Variants in ZBTB16 observed in about 807,000 individuals in gnomAD.
ZBTB16 encodes zinc finger and BTB domain containing 16.
A neutral mutation model predicts 56.8 loss-of-function variants in ZBTB16; 8 were observed. The ratio of observed to expected loss-of-function variants is 0.14; its 90% CI spans 0.08 to 0.25. The LOEUF (loss-of-function observed/expected upper bound fraction) is 0.25. Among genes scored for constraint, ZBTB16 ranks in the 10% least tolerant of loss-of-function variants. The pLI, the probability that ZBTB16 is intolerant of heterozygous loss-of-function variation, is 1.00. For synonymous variants in ZBTB16, 363 were observed against 368.5 expected, an observed-to-expected ratio of 0.98 and a Z score of 0.17; for missense variants, 625 against 903.0, an observed-to-expected ratio of 0.69 and a Z score of 3.95.
At chr11:114,219,257 A>G (rs1944175675) in intron 4 of ZBTB16, among the ~76,000 whole-genome samples, 1 of 152,182 alleles carries the variant, frequency 6.6e-6, no homozygotes, top group South Asian at 2.1e-4. Context: ...CACCCTTTCT[A>G]GTTAAATACA....
At chr11:114,103,932 C>A (rs957778179) in intron 2 of ZBTB16, among the ~76,000 whole-genome samples, 2 of 152,140 alleles carry the variant, frequency 1.3e-5, no homozygotes, top group African/African-American at 2.4e-5. Context: ...ACAAACTATT[C>A]TTTTTCACGT....
chr11:114,209,216 G>A lies in ZBTB16; in HGVS notation c.1453+22178G>A, dbSNP rs768545977. ...GTGGGCAGGGAAGGTTTGGAAGCAG[G>A]AGGAGGAGACACTCAAAGCTGCTTT... On this transcript the variant is annotated intron_variant, in intron 4 of 6. Transcript: ENST00000335953. Among the ~76,000 whole-genome samples, 3 of 152,324 alleles carry A rather than the reference G, an allele frequency of 2.0e-5. No homozygotes were observed. The East Asian group carries it at 5.8e-4, about 29-fold the overall frequency.
chr11:114,105,179 G>A (rs115148014), intron 2 of ZBTB16, among the ~76,000 whole-genome samples: 4,982 of 151,838 alleles, frequency 0.033, 269 homozygotes, highest in African/African-American at 0.11. Flanking sequence ...TTTTGAAAAA[G>A]CCTGTGAGTG....
intron 4 of ZBTB16, among the ~76,000 whole-genome samples, chr11:114,216,850 A>G (rs1348920539): frequency 6.6e-6 from 1 of 152,230 alleles, no homozygotes; most frequent in Non-Finnish European, 1.5e-5. Flanking sequence ...GACTAGACCC[A>G]GTCTCTTGAT....
intron 3 of ZBTB16, among the ~76,000 whole-genome samples, chr11:114,180,610 G>C (rs1337872636): frequency 6.6e-6 from 1 of 152,210 alleles, no homozygotes; most frequent in African/African-American, 2.4e-5. Context: ...TTTTAAATAG[G>C]GGGTAGTAGA....
At position 114,250,613 on chromosome 11, in the gene ZBTB16, G is replaced by T; in HGVS notation, c.*58G>T. On this transcript the variant is annotated 3_prime_UTR_variant, in exon 7 of 7. Transcript: ENST00000335953. This position sits in a 1 kb window ranked among gnomAD's most constrained non-coding sequence, Gnocchi z 6.0. ...AGCCAGGAAAGAAGAGTTGGAGTGAGATGAAGGAAGGACTATGACAAATAA... is the reference window on the plus strand; with the variant it reads ...AGCCAGGAAAGAAGAGTTGGAGTGATATGAAGGAAGGACTATGACAAATAA... The T allele has an allele frequency of 6.6e-7, 1 of 1,511,520 alleles. No individual in the cohort carries two copies. The highest frequency in any genetic ancestry group is 9.2e-7 in the Non-Finnish European group (1 of 1,088,138). The allele number at this position is 1,511,520 out of a possible 1,614,324, so 93.6% of individuals were successfully genotyped here. A position where few individuals can be genotyped will look rare whatever the true frequency, so the allele number is the denominator to read the frequency against.
At chr11:114,182,132 A>G (rs1011943337) in intron 3 of ZBTB16, among the ~76,000 whole-genome samples, 26 of 152,012 alleles carry the variant, frequency 1.7e-4, no homozygotes, top group African/African-American at 6.0e-4. Flanking sequence ...GCTCACTGCA[A>G]CCTCTGCCTT....
At chr11:114,132,620 G>T (rs2852798) in intron 2 of ZBTB16, among the ~76,000 whole-genome samples, 8,211 of 152,268 alleles carry the variant, frequency 0.054, 326 homozygotes, top group South Asian at 0.11. Context: ...TGTGTAAATT[G>T]CCAAGAGCTG....
intron 2 of ZBTB16, among the ~76,000 whole-genome samples, chr11:114,138,599 G>GC (rs1317914881): frequency 2.0e-5 from 3 of 151,904 alleles, no homozygotes; most frequent in Non-Finnish European, 4.4e-5. Flanking sequence ...CTAATGCTCT[G>GC]CCCTGCATTT....
chr11:114,174,646 T>TA (rs1303659440), intron 3 of ZBTB16, among the ~76,000 whole-genome samples: 3 of 152,242 alleles, frequency 2.0e-5, no homozygotes, highest in Non-Finnish European at 4.4e-5. Flanking sequence ...CTCTAGGTAA[T>TA]ATTTCAACAA....
intron 3 of ZBTB16, among the ~76,000 whole-genome samples, chr11:114,184,895 GAC>G (rs1279713332): frequency 6.6e-6 from 1 of 152,126 alleles, no homozygotes; most frequent in Non-Finnish European, 1.5e-5. Context: ...AAGATGACCA[GAC>G]ACAGTGGCTC....
chr11:114,199,805 C>T (rs1239598585), intron 4 of ZBTB16, among the ~76,000 whole-genome samples: 2 of 152,160 alleles, frequency 1.3e-5, no homozygotes, highest in Non-Finnish European at 2.9e-5. Flanking sequence ...GATTAATAAT[C>T]ATAATGGTTG....
At chr11:114,097,061 C>G (rs1378995212) in intron 2 of ZBTB16, among the ~76,000 whole-genome samples, 1 of 152,028 alleles carries the variant, frequency 6.6e-6, no homozygotes, top group Middle Eastern at 3.2e-3. Flanking sequence ...GTTCATTGAC[C>G]CATGGATAAA....
chr11:114,147,031 G>A (rs595641), intron 2 of ZBTB16, among the ~76,000 whole-genome samples: 89,554 of 152,006 alleles, frequency 0.59, 28,172 homozygotes, highest in Middle Eastern at 0.76. Context: ...AATCCGTTCA[G>A]TCTCTTATCT....
At chr11:114,195,460 A>G (rs558321534) in intron 4 of ZBTB16, among the ~76,000 whole-genome samples, 4 of 152,272 alleles carry the variant, frequency 2.6e-5, no homozygotes, top group East Asian at 3.9e-4. Flanking sequence ...CTGCCTGGGG[A>G]CAAGAGACCT....
At chr11:114,194,150 C>T (rs1253065238) in intron 4 of ZBTB16, among the ~76,000 whole-genome samples, 2 of 152,144 alleles carry the variant, frequency 1.3e-5, no homozygotes, top group Non-Finnish European at 2.9e-5. Context: ...CATCCTCCTC[C>T]TGGAGTAGGA....
intron 2 of ZBTB16, among the ~76,000 whole-genome samples, chr11:114,135,197 G>C (rs546920147): frequency 6.6e-6 from 1 of 152,186 alleles, no homozygotes; most frequent in Non-Finnish European, 1.5e-5. Context: ...AAGGTGACTT[G>C]TGAGTCCCTC....
At chr11:114,201,662 C>T (rs921514540) in intron 4 of ZBTB16, among the ~76,000 whole-genome samples, 2 of 152,132 alleles carry the variant, frequency 1.3e-5, no homozygotes, top group Non-Finnish European at 2.9e-5. Flanking sequence ...TGATGTTTTG[C>T]ATGATAAAAG....
chr11:114,228,802 C>G (rs1025644608), intron 4 of ZBTB16, among the ~76,000 whole-genome samples: 7 of 152,238 alleles, frequency 4.6e-5, no homozygotes, highest in Non-Finnish European at 1.0e-4. Context: ...CCGCCCCCTT[C>G]CACCCTCTTG....
Sources: allele counts gnomAD v4.1 joint callset (sites outside exome capture counted in the v4.1 genomes callset), GRCh38; gene constraint gnomAD v4.1.1; non-coding constraint Gnocchi (gnomAD v3.1); transcripts MANE v1.5; gene names NCBI Gene and HGNC (gene_info 2026-07-23, HGNC 2026-07-21).